KCNG3: variants seen among roughly 807,000 people sequenced by gnomAD.
KCNG3 encodes potassium voltage-gated channel modifier subfamily G member 3.
A neutral mutation model predicts 29.0 loss-of-function variants in KCNG3; 15 were observed. That is an observed-to-expected ratio of 0.52 (90% CI 0.35 to 0.80). The LOEUF is 0.80. Ranked by LOEUF, KCNG3 falls within the 30% of genes least tolerant of loss-of-function variation. The pLI, the probability that KCNG3 is intolerant of heterozygous loss-of-function variation, is 0.01. For missense variants in KCNG3, 512 were observed against 605.7 expected, an observed-to-expected ratio of 0.85 and a Z score of 1.62; for synonymous variants, 322 against 248.9, an observed-to-expected ratio of 1.29 and a Z score of -2.76.
the KCNG3 span, among the ~76,000 whole-genome samples, chr2:42,433,728 A>C: frequency 6.6e-6 from 1 of 152,052 alleles, no homozygotes; most frequent in Non-Finnish European, 1.5e-5. Context: ...ACAGAACAAA[A>C]CTCTGTCTCA....
intron 1 of KCNG3, among the ~76,000 whole-genome samples, chr2:42,449,498 T>G (rs1169880430): frequency 1.3e-5 from 2 of 149,260 alleles, no homozygotes; most frequent in Admixed American, 6.8e-5. Flanking sequence ...GCTGTTGTGT[T>G]AAGCCACTGA....
Position 42,493,904 on chromosome 2 carries a change from T to G in KCNG3, c.-403A>C. On this transcript the variant is annotated 5_prime_UTR_variant, in exon 1 of 2. Coordinates refer to ENST00000306078, the MANE Select transcript of KCNG3 (RefSeq NM_133329.6). ...GCCGAATGGAGCCGCCGGGGCGGAATAGCTCCCCGTCTCCGGCGCTCCCTG... is the reference window on the plus strand; with the variant it reads ...GCCGAATGGAGCCGCCGGGGCGGAAGAGCTCCCCGTCTCCGGCGCTCCCTG... 1 of 160,054 alleles carries G rather than the reference T, an allele frequency of 6.2e-6. No homozygotes were observed. The highest frequency in any genetic ancestry group is 1.4e-5 in the Non-Finnish European group (1 of 73,574). 9.9% of individuals were successfully genotyped at this position (160,054 alleles called of 1,614,324 possible).
rs908344622 is a variant in KCNG3, at chr2:42,442,522, TG to T, written c.*1411del. 6.6e-6 allele frequency: 1 copy of T among 152,214 alleles called. No homozygotes were observed. The highest frequency in any genetic ancestry group is 2.4e-5 in the African/African-American group (1 of 41,448). The allele number at this position is 152,214 out of a possible 1,614,324, so 9.4% of individuals were successfully genotyped here. A position where few individuals can be genotyped will look rare whatever the true frequency, so the allele number is the denominator to read the frequency against. ...CTAAAATTCCTTTAATGAACACTTC[TG>T]GTAACCCTTTATTTGATAAATATAT... is the stretch of plus-strand genomic sequence containing the variant. On this transcript the variant is annotated 3_prime_UTR_variant, in exon 2 of 2. Coordinates refer to ENST00000306078, the MANE Select transcript of KCNG3 (RefSeq NM_133329.6).
rs2103661061 is a variant in KCNG3 at position 42,444,748 on chromosome 2, C to T, written c.666-169G>A. Among the ~76,000 whole-genome samples the T allele has an allele frequency of 6.6e-6, 1 of 152,166 alleles. No homozygotes were observed. Among genetic ancestry groups the T allele is most frequent in the African/African-American group, 2.4e-5 (1 of 41,524 alleles). ...CATCAGACCACCAGGATGCACGCAA[C>T]AGAACAACAAATCAATTCAGATGAA... On this transcript the variant is annotated intron_variant, in intron 1 of 1. Coordinates refer to ENST00000306078, the MANE Select transcript of KCNG3 (RefSeq NM_133329.6). This position sits in a 1 kb window ranked among gnomAD's most constrained non-coding sequence, Gnocchi z 5.8.
At chr2:42,427,941 G>T in the KCNG3 span, among the ~76,000 whole-genome samples, 1 of 151,888 alleles carries the variant, frequency 6.6e-6, no homozygotes, top group Non-Finnish European at 1.5e-5. Context: ...ATCAGTTTGG[G>T]GCCCTAAAAG....
At chr2:42,475,600 G>T (rs958642370) in intron 1 of KCNG3, among the ~76,000 whole-genome samples, 1 of 149,160 alleles carries the variant, frequency 6.7e-6, no homozygotes, top group Non-Finnish European at 1.5e-5. Context: ...AAAGTTCTGT[G>T]ATTACAGGCA....
chr2:42,410,857 A>G, the KCNG3 span, among the ~76,000 whole-genome samples: 72 of 152,290 alleles, frequency 4.7e-4, no homozygotes, highest in Middle Eastern at 0.02. Context: ...GGTTGGAAAG[A>G]CTACTTCGTT....
chr2:42,416,535 A>G, the KCNG3 span, among the ~76,000 whole-genome samples: 1 of 152,278 alleles, frequency 6.6e-6, no homozygotes, highest in Admixed American at 6.5e-5. Context: ...ACAGAGAAAT[A>G]ATAGACATTT....
Position 42,493,429 on chromosome 2 carries a change from C to T in KCNG3, c.73G>A (p.Glu25Lys). The change falls in exon 1 of 2, where the codon GAG (glutamate) becomes AAG (lysine). Residue 25 changes from glutamate to lysine, a missense_variant. Physicochemically the swap from Glu to Lys is moderately conservative, Grantham distance 56. Coordinates refer to ENST00000306078, the MANE Select transcript of KCNG3 (RefSeq NM_133329.6). ...VGGARYSLSRELLKDFPLRRV... is the reference protein window; with the variant it reads ...VGGARYSLSRKLLKDFPLRRV... The stretch of plus-strand genomic sequence containing the variant: ...CGCAGCGGGAAGTCCTTCAGCAGCT[C>T]CCGGGACAGCGAATACCGGGCGCCG... 1 of 1,487,728 alleles carries T rather than the reference C, an allele frequency of 6.7e-7. No homozygotes were observed. The highest frequency in any genetic ancestry group is 8.9e-7 in the Non-Finnish European group (1 of 1,123,754). 92.2% of individuals were successfully genotyped at this position (1,487,728 alleles called of 1,614,324 possible).
the KCNG3 span, among the ~76,000 whole-genome samples, chr2:42,408,255 G>A: frequency 1.8e-4 from 27 of 152,196 alleles, no homozygotes; most frequent in Non-Finnish European, 2.6e-4. Flanking sequence ...GCGAGTCCCC[G>A]GTGAGGCCCC....
chr2:42,444,912 A>T lies in KCNG3; in HGVS notation c.666-333T>A, dbSNP rs1484514680. On this transcript the variant is annotated intron_variant, in intron 1 of 1. Transcript: ENST00000306078. The surrounding 1 kb of genome is among the most constrained non-coding windows in gnomAD (Gnocchi z 5.8). ...CCCCGTCTCCACAAAAAAAAAATAC[A>T]AAAATCAGCTGGGCTTGGTGACACA... Among the ~76,000 whole-genome samples, 1 of 151,790 alleles carries T rather than the reference A, an allele frequency of 6.6e-6. No individual in the cohort carries two copies. The highest frequency in any genetic ancestry group is 1.5e-5 in the Non-Finnish European group (1 of 67,966).
chr2:42,394,290 T>C, the KCNG3 span, among the ~76,000 whole-genome samples: 1 of 152,074 alleles, frequency 6.6e-6, no homozygotes, highest in African/African-American at 2.4e-5. Flanking sequence ...AGAGTAGACA[T>C]AGGGAGACAC....
chr2:42,457,627 T>TCACACACACACACACACACA (rs56251665), intron 1 of KCNG3, among the ~76,000 whole-genome samples: 45 of 125,520 alleles, frequency 3.6e-4, no homozygotes, highest in South Asian at 6.0e-4. Context: ...CAGGCAGATC[T>TCACACACACACACACACACA]CACACACACA....
chr2:42,440,189 C>T (rs1672442894), downstream of KCNG3, among the ~76,000 whole-genome samples: 1 of 152,128 alleles, frequency 6.6e-6, no homozygotes, highest in Admixed American at 6.5e-5. Context: ...ACCCCTAGTT[C>T]CAACTTCCTA....
the KCNG3 span, among the ~76,000 whole-genome samples, chr2:42,418,222 C>T: frequency 6.6e-6 from 1 of 152,070 alleles, no homozygotes; most frequent in African/African-American, 2.4e-5. Flanking sequence ...TTTTACATGT[C>T]TTATTTCACA....
chr2:42,410,218 A>T, the KCNG3 span, among the ~76,000 whole-genome samples: 2 of 152,180 alleles, frequency 1.3e-5, no homozygotes, highest in African/African-American at 2.4e-5. Flanking sequence ...TTTGGGGGCA[A>T]TCGGATTATT....
At chr2:42,451,513 T>G (rs974069759) in intron 1 of KCNG3, among the ~76,000 whole-genome samples, 3 of 151,486 alleles carry the variant, frequency 2.0e-5, no homozygotes, top group Non-Finnish European at 4.4e-5. Flanking sequence ...TCACTTGAGG[T>G]CAGGAGCTCG....
chr2:42,418,910 A>T, the KCNG3 span, among the ~76,000 whole-genome samples: 9 of 152,264 alleles, frequency 5.9e-5, no homozygotes, highest in East Asian at 9.6e-4. Flanking sequence ...TAATTACCTT[A>T]GTCTTCTGTA....
At chr2:42,439,800 G>T (rs1378745237), downstream of KCNG3, among the ~76,000 whole-genome samples, 1 of 151,126 alleles carries the variant, frequency 6.6e-6, no homozygotes, top group Non-Finnish European at 1.5e-5. Context: ...GCACCACGAT[G>T]CCCAGCTAGT....
Sources: allele counts gnomAD v4.1 joint callset (sites outside exome capture counted in the v4.1 genomes callset), GRCh38; gene constraint gnomAD v4.1.1; non-coding constraint Gnocchi (gnomAD v3.1); transcripts MANE v1.5; gene names NCBI Gene and HGNC (gene_info 2026-07-23, HGNC 2026-07-21).